The following CYRIB variants were observed in gnomAD, a reference collection of about 807,000 sequenced individuals.
CYRIB encodes the protein CYFIP related Rac1 interactor B, also known as CYFIP-related Rac1 interactor B.
A neutral mutation model predicts 44.2 loss-of-function variants in CYRIB; 8 were observed. The observed-to-expected ratio is 0.18, with a 90% CI of 0.11 to 0.33. CYRIB has a LOEUF of 0.33. CYRIB is among the 10% of genes least tolerant of loss of function. The pLI, the probability that CYRIB is intolerant of heterozygous loss-of-function variation, is 1.00. For synonymous variants in CYRIB, 131 were observed against 127.2 expected, an observed-to-expected ratio of 1.03 and a Z score of -0.20; for missense variants, 185 against 382.8, an observed-to-expected ratio of 0.48 and a Z score of 4.31.
rs969958364 is a variant in CYRIB at position 129,892,756 on chromosome 8, T to C, written c.-11+10556A>G. On this transcript the variant is annotated intron_variant, in intron 2 of 11. Transcript: ENST00000519824. ...CATGTGCAATATTCACATAATGAAC[T>C]ATAATACTGTGCAAACAAATTAACT... 1.5e-4 allele frequency among the ~76,000 whole-genome samples: 23 copies of C among 152,208 alleles called. 1 individual carries two copies. Among genetic ancestry groups the C allele is most frequent in the Non-Finnish European group, 1.5e-5 (1 of 68,032 alleles).
At chr8:129,871,796 A>G (rs2057328710) in intron 3 of CYRIB, among the ~76,000 whole-genome samples, 1 of 152,184 alleles carries the variant, frequency 6.6e-6, no homozygotes. Flanking sequence ...AAAATTTTTA[A>G]TTGTGATAGT....
chr8:130,006,170 G>A (rs2134110670), intron 1 of CYRIB, among the ~76,000 whole-genome samples: 1 of 151,900 alleles, frequency 6.6e-6, no homozygotes, highest in East Asian at 2.0e-4. Context: ...GGGCATGGTG[G>A]TCCACACCTG....
chr8:129,911,422 C>A (rs536953699), intron 1 of CYRIB, among the ~76,000 whole-genome samples: 2 of 152,210 alleles, frequency 1.3e-5, no homozygotes, highest in Admixed American at 1.3e-4. Flanking sequence ...TTATAATATT[C>A]CTTTCTGTAG....
intron 2 of CYRIB, among the ~76,000 whole-genome samples, chr8:129,956,718 G>A (rs1336547302): frequency 6.6e-6 from 1 of 152,046 alleles, no homozygotes; most frequent in Non-Finnish European, 1.5e-5. Flanking sequence ...CAGAAGCCCT[G>A]TTTTTCTGGT....
chr8:129,941,272 G>GTTTTTTTTTT (rs551305807), upstream of CYRIB, among the ~76,000 whole-genome samples: 1 of 124,988 alleles, frequency 8.0e-6, no homozygotes. Flanking sequence ...AACTGAAGGA[G>GTTTTTTTTTT]ATTTTTTTTT....
chr8:129,904,353 G>C (rs1036745301), intron 1 of CYRIB, 146 bp downstream of exon 3: 1 of 151,900 alleles, frequency 6.6e-6, no homozygotes, highest in African/African-American at 2.4e-5. Flanking sequence ...TAACACCATG[G>C]GCAACCCTTG....
At chr8:129,963,875 C>T (rs1018829712) in intron 2 of CYRIB, among the ~76,000 whole-genome samples, 1 of 152,186 alleles carries the variant, frequency 6.6e-6, no homozygotes, top group African/African-American at 2.4e-5. Context: ...ATTTTGATTC[C>T]ATACGCTTAA....
At chr8:129,894,727 G>T (rs1022855563) in intron 2 of CYRIB, among the ~76,000 whole-genome samples, 1 of 152,050 alleles carries the variant, frequency 6.6e-6, no homozygotes, top group Admixed American at 6.6e-5. Context: ...GGTAAAAGCA[G>T]CATCATAATT....
In CYRIB at chr8:129,851,328, T is replaced by C. The variant is rs188810808; in HGVS notation, c.634-414A>G. On this transcript the variant is annotated intron_variant, in intron 8 of 11. Transcript: ENST00000519824. The stretch of plus-strand genomic sequence containing the variant: ...GTTGCTCTATGGAGAAAGGACTATA[T>C]TGGGGCAAGAGTGGAGGAAGTAAGA... 3.2e-3 allele frequency: 553 copies of C among 172,074 alleles called. 4 individuals are homozygous for C. The highest frequency in any genetic ancestry group is 0.013 in the African/African-American group (528 of 41,734). The allele number at this position is 172,074 out of a possible 1,614,324, so 10.7% of individuals were successfully genotyped here. A position where few individuals can be genotyped will look rare whatever the true frequency, so the allele number is the denominator to read the frequency against.
chr8:129,977,554 C>T (rs1018790828), intron 1 of CYRIB, among the ~76,000 whole-genome samples: 28 of 149,720 alleles, frequency 1.9e-4, no homozygotes, highest in African/African-American at 6.4e-4. Context: ...TTTTTTGAGA[C>T]GGGGTCTCGC....
In CYRIB at chr8:129,972,950, C is replaced by T. The variant is rs1415910498; in HGVS notation, c.-295-1955G>A. Among the ~76,000 whole-genome samples the T allele has an allele frequency of 1.2e-4, 19 of 152,268 alleles. 1 individual carries two copies. The highest frequency in any genetic ancestry group is 1.2e-3 in the Admixed American group (19 of 15,278). On this transcript the variant is annotated intron_variant, in intron 1 of 14. Coordinates refer to the CYRIB transcript ENST00000401979. ...CTCTTCAGCCTCATAGCATGTGTCT[C>T]ATCCCTTCTCAGTCTTTCGGAGCAT... is the stretch of plus-strand genomic sequence containing the variant.
chr8:129,997,096 G>GGGAT (rs2096788851), intron 1 of CYRIB, among the ~76,000 whole-genome samples: 1 of 93,132 alleles, frequency 1.1e-5, no homozygotes, highest in Admixed American at 1.1e-4. Context: ...GAAGGAGGGA[G>GGGAT]GGAAGGAAGG....
intron 1 of CYRIB, among the ~76,000 whole-genome samples, chr8:130,016,136 G>A (rs1274509509): frequency 2.7e-5 from 4 of 147,152 alleles, no homozygotes; most frequent in African/African-American, 9.8e-5. Flanking sequence ...CCGCGCACTC[G>A]AGGCGCCTCC....
intron 4 of CYRIB, among the ~76,000 whole-genome samples, chr8:129,870,841 G>A (rs1411553368): frequency 6.6e-6 from 1 of 152,120 alleles, no homozygotes; most frequent in African/African-American, 2.4e-5. Context: ...ATTTAATTAA[G>A]AGAAGAAGAA....
intron 2 of CYRIB, among the ~76,000 whole-genome samples, chr8:129,945,829 C>A (rs575408577): frequency 1.3e-5 from 2 of 152,252 alleles, no homozygotes; most frequent in East Asian, 3.9e-4. Flanking sequence ...CCACCTTGGC[C>A]TCCCAAGGTG....
At chr8:129,926,424 T>C (rs1367430400) in intron 1 of CYRIB, among the ~76,000 whole-genome samples, 1 of 152,354 alleles carries the variant, frequency 6.6e-6, no homozygotes, top group East Asian at 1.9e-4. Context: ...TGTGCCACTC[T>C]GAAGTCCAAA....
At chr8:129,958,750 T>A (rs1412362867) in intron 2 of CYRIB, among the ~76,000 whole-genome samples, 4 of 145,540 alleles carry the variant, frequency 2.7e-5, no homozygotes, top group African/African-American at 5.1e-5. Flanking sequence ...TTTCCTCCCA[T>A]CTACCACTGG....
At chr8:129,867,831 G>A (rs1022053355) in intron 4 of CYRIB, among the ~76,000 whole-genome samples, 1 of 152,040 alleles carries the variant, frequency 6.6e-6, no homozygotes, top group Non-Finnish European at 1.5e-5. Context: ...TGTTTGCAAT[G>A]TTTTATAAAA....
At chr8:129,978,160 C>T (rs1324019107) in intron 1 of CYRIB, among the ~76,000 whole-genome samples, 1 of 152,122 alleles carries the variant, frequency 6.6e-6, no homozygotes, top group Non-Finnish European at 1.5e-5. Flanking sequence ...CTTAACAATC[C>T]TCCCATCTAG....
Sources: allele counts gnomAD v4.1 joint callset (sites outside exome capture counted in the v4.1 genomes callset), GRCh38; gene constraint gnomAD v4.1.1; transcripts MANE v1.5; gene names NCBI Gene and HGNC (gene_info 2026-07-23, HGNC 2026-07-21).